The following COA1 variants were observed in gnomAD, a reference collection of about 807,000 sequenced individuals.
COA1 encodes cytochrome c oxidase assembly factor 1 homolog.
COA1 carries 13 observed loss-of-function variants against 16.0 expected under a neutral mutation model. That is an observed-to-expected ratio of 0.81 (90% CI 0.53 to 1.29). COA1 has a LOEUF of 1.29. COA1 is among the 50% of genes most tolerant of loss of function. COA1 has a pLI of 0.00. For synonymous variants in COA1, 65 were observed against 65.7 expected (o/e 0.99, Z 0.05); for missense variants, 179 against 177.0 (o/e 1.01, Z -0.06).
intron 1 of COA1, chr7:43,649,719 T>G (rs1246724646): frequency 6.6e-6 from 1 of 152,266 alleles, no homozygotes; most frequent in African/African-American, 2.4e-5. Context: ...CCATGCACAT[T>G]AGAGAAATCA....
At chr7:43,692,219 A>G (rs1448010538) in intron 1 of COA1, among the ~76,000 whole-genome samples, 1 of 152,200 alleles carries the variant, frequency 6.6e-6, no homozygotes, top group Non-Finnish European at 1.5e-5. Flanking sequence ...AGTTCCTTTT[A>G]AAAATCAAAC....
rs1252858833 is a variant in COA1, at chr7:43,639,611, C to T, written c.412G>A (p.Glu138Lys). The T allele has an allele frequency of 9.9e-6, 16 of 1,613,946 alleles. No individual in the cohort carries two copies. In the South Asian group the frequency reaches 1.6e-4, roughly 17 times the overall value. The change falls in exon 6 of 6, where the codon GAA (glutamate) becomes AAA (lysine). Residue 138 changes from glutamate to lysine, a missense_variant. By Grantham distance (56) the Glu-to-Lys change is moderately conservative. Transcript: ENST00000223336. Reference sequence around the variant, plus strand: ...TCCTTTTTCACTTCATCACCGTTTTCCCCACTGAGCTTGAACACAGGAATC... The same window carrying T: ...TCCTTTTTCACTTCATCACCGTTTTTCCCACTGAGCTTGAACACAGGAATC... ...QQIPVFKLSG[E>K]NGDEVKKE
At chr7:43,691,369 GAGGGAGGGAGGA>G (rs1407274169) in intron 1 of COA1, among the ~76,000 whole-genome samples, 937 of 18,688 alleles carry the variant, frequency 0.05, 23 homozygotes, top group Middle Eastern at 0.15. Context: ...GGGAGGGAGG[GAGGGAGGGAGGA>G]AGGAAGGAAG....
At chr7:43,620,972 G>A (rs1240371893) in intron 6 of COA1, among the ~76,000 whole-genome samples, 1 of 152,148 alleles carries the variant, frequency 6.6e-6, no homozygotes, top group Admixed American at 6.5e-5. Flanking sequence ...GCTAGAAGAG[G>A]GGGAATGAAG....
intron 1 of COA1, among the ~76,000 whole-genome samples, chr7:43,651,245 G>A (rs1314594213): frequency 6.6e-6 from 1 of 152,096 alleles, no homozygotes; most frequent in African/African-American, 2.4e-5. Flanking sequence ...GCCAAATAAG[G>A]GCAGATTTAC....
chr7:43,669,698 G>A (rs760041137), intron 1 of COA1, among the ~76,000 whole-genome samples: 2 of 151,754 alleles, frequency 1.3e-5, no homozygotes, highest in African/African-American at 4.8e-5. Context: ...TCTTTGTACA[G>A]GGGAGCTGTT....
At chr7:43,723,670 T>G (rs2095554295) in intron 1 of COA1, among the ~76,000 whole-genome samples, 1 of 151,576 alleles carries the variant, frequency 6.6e-6, no homozygotes, top group Non-Finnish European at 1.5e-5. Flanking sequence ...CTCACACCTG[T>G]AATCCCAGCA....
Position 43,675,776 on chromosome 7 carries a change from T to G in COA1, c.-38-27124A>C, listed in dbSNP as rs185598249. On this transcript the variant is annotated intron_variant, in intron 1 of 5. Coordinates refer to ENST00000223336, the MANE Select transcript of COA1 (RefSeq NM_018224.4). ...GATTACACTTTGAAGGGAAAAAAGG[T>G]GCTACTGGTTCAAGAGAACTTACAT... Among the ~76,000 whole-genome samples, 460 of 152,192 alleles carry G rather than the reference T, an allele frequency of 3.0e-3. 6 individuals are homozygous for G. The highest frequency in any genetic ancestry group is 0.01 in the African/African-American group (430 of 41,516).
intron 1 of COA1, among the ~76,000 whole-genome samples, chr7:43,688,121 T>C (rs961453637): frequency 2.0e-5 from 3 of 152,226 alleles, no homozygotes; most frequent in Non-Finnish European, 2.9e-5. Context: ...CATGTGGAAC[T>C]GTAAGTCCAA....
At chr7:43,709,472 G>A (rs945643404) in intron 1 of COA1, among the ~76,000 whole-genome samples, 2 of 147,598 alleles carry the variant, frequency 1.4e-5, no homozygotes, top group Admixed American at 6.8e-5. Context: ...GTGTGTGTGT[G>A]TATACGCATG....
intron 1 of COA1, among the ~76,000 whole-genome samples, chr7:43,654,691 T>C (rs964536810): frequency 1.3e-5 from 2 of 152,218 alleles, no homozygotes; most frequent in African/African-American, 4.8e-5. Context: ...TCATTGCTTC[T>C]GATGTTAAAT....
intron 6 of COA1, chr7:43,619,852 T>C: frequency 8.2e-7 from 1 of 1,223,720 alleles, no homozygotes; most frequent in Non-Finnish European, 1.1e-6. Context: ...CAGAGATCTA[T>C]TCCTTTGGAT....
intron 6 of COA1, among the ~76,000 whole-genome samples, chr7:43,627,993 T>A (rs900145484): frequency 1.3e-5 from 2 of 152,128 alleles, no homozygotes; most frequent in African/African-American, 4.8e-5. Context: ...TTGTTTTGTG[T>A]TGTGTTGTTG....
intron 1 of COA1, among the ~76,000 whole-genome samples, chr7:43,671,715 G>A (rs1182587833): frequency 3.3e-5 from 5 of 152,170 alleles, no homozygotes; most frequent in Non-Finnish European, 4.4e-5. Context: ...ATCTTGGACT[G>A]TAATACACAT....
intron 1 of COA1, among the ~76,000 whole-genome samples, chr7:43,689,695 T>C (rs1415530751): frequency 2.6e-5 from 4 of 152,204 alleles, no homozygotes; most frequent in Admixed American, 1.3e-4. Context: ...TGGTAATGTA[T>C]TATGGGGTTT....
chr7:43,707,849 G>A (rs945485029), intron 1 of COA1, among the ~76,000 whole-genome samples: 14 of 152,068 alleles, frequency 9.2e-5, no homozygotes, highest in African/African-American at 2.9e-4. Flanking sequence ...CTACTTCAAC[G>A]CACACATGCC....
intron 1 of COA1, among the ~76,000 whole-genome samples, chr7:43,685,884 T>C (rs2130729630): frequency 6.6e-6 from 1 of 152,288 alleles, no homozygotes; most frequent in Middle Eastern, 3.4e-3. Context: ...CACCAAGAAA[T>C]TTCTATAAAA....
intron 6 of COA1, among the ~76,000 whole-genome samples, chr7:43,629,872 CT>C (rs1305464444): frequency 6.6e-6 from 1 of 152,210 alleles, no homozygotes; most frequent in Admixed American, 6.5e-5. Flanking sequence ...TGGATTCTAC[CT>C]TTGGCCCCAT....
At chr7:43,608,480 C>CACTGTTTGAACAA (rs1230343081) in exon 7 of COA1, 1 of 1,494,860 alleles carries the variant, frequency 6.7e-7, no homozygotes, top group Non-Finnish European at 9.0e-7. Flanking sequence ...TTTATTCAAA[C>CACTGTTTGAACAA]ATGTTTCACG....
Sources: allele counts gnomAD v4.1 joint callset (sites outside exome capture counted in the v4.1 genomes callset), GRCh38; gene constraint gnomAD v4.1.1; transcripts MANE v1.5; gene names NCBI Gene and HGNC (gene_info 2026-07-23, HGNC 2026-07-21).